The following EPHA6 variants were observed in gnomAD, a reference collection of about 807,000 sequenced individuals.
The protein encoded by EPHA6 is ephrin type-A receptor 6.
A neutral mutation model predicts 112.0 loss-of-function variants in EPHA6; 50 were observed. That is an observed-to-expected ratio of 0.45 (90% CI 0.36 to 0.56). EPHA6 has a LOEUF of 0.56. Ranked by LOEUF, EPHA6 falls within the 20% of genes least tolerant of loss-of-function variation. The pLI, the probability that EPHA6 is intolerant of heterozygous loss-of-function variation, is 0.00. For missense variants in EPHA6, 1,280 were observed against 1,417.4 expected, an observed-to-expected ratio of 0.90 and a Z score of 1.56; for synonymous variants, 529 against 490.7, an observed-to-expected ratio of 1.08 and a Z score of -1.03.
intron 6 of EPHA6, among the ~76,000 whole-genome samples, chr3:97,424,724 T>C (rs1320306904): frequency 6.7e-6 from 1 of 149,974 alleles, no homozygotes; most frequent in Non-Finnish European, 1.5e-5. Context: ...GAGAATCACT[T>C]GAACCCAGGA....
At chr3:96,989,082 G>T (rs937726944) in intron 3 of EPHA6, among the ~76,000 whole-genome samples, 4 of 152,068 alleles carry the variant, frequency 2.6e-5, no homozygotes, top group African/African-American at 9.7e-5. Context: ...TCTTAAGAGG[G>T]TGTTTTCTAC....
chr3:96,918,978 T>C (rs2039622952), intron 2 of EPHA6, among the ~76,000 whole-genome samples: 1 of 151,994 alleles, frequency 6.6e-6, no homozygotes, highest in Non-Finnish European at 1.5e-5. Flanking sequence ...AAGTTCATTA[T>C]TTTGAAATCT....
chr3:97,545,945 G>A (rs189690317), intron 11 of EPHA6, among the ~76,000 whole-genome samples: 2,303 of 151,878 alleles, frequency 0.015, 52 homozygotes, highest in African/African-American at 0.05. Context: ...CCTTTATTTT[G>A]AGCCTATGTG....
chr3:97,065,366 A>G (rs1024425542), intron 3 of EPHA6, among the ~76,000 whole-genome samples: 2 of 152,162 alleles, frequency 1.3e-5, no homozygotes, highest in African/African-American at 4.8e-5. Flanking sequence ...AAATCAAGGC[A>G]AAGAGTCTTT....
At chr3:97,364,407 T>C (rs934272565) in intron 5 of EPHA6, among the ~76,000 whole-genome samples, 8 of 151,658 alleles carry the variant, frequency 5.3e-5, no homozygotes. Flanking sequence ...TATAAGTATT[T>C]CAGGAGACAT....
chr3:97,686,314 T>G (rs1002293186), intron 14 of EPHA6, among the ~76,000 whole-genome samples: 10 of 152,182 alleles, frequency 6.6e-5, no homozygotes, highest in African/African-American at 2.4e-4. Context: ...CTTTCCTTCC[T>G]TCCTTCTCTC....
intron 3 of EPHA6, among the ~76,000 whole-genome samples, chr3:97,205,468 A>C (rs2077691044): frequency 6.6e-6 from 1 of 152,086 alleles, no homozygotes; most frequent in African/African-American, 2.4e-5. Flanking sequence ...ATCCTTGAAC[A>C]ATATGTGTTT....
At chr3:97,233,031 G>A (rs2078574519) in intron 4 of EPHA6, among the ~76,000 whole-genome samples, 1 of 152,118 alleles carries the variant, frequency 6.6e-6, no homozygotes, top group African/African-American at 2.4e-5. Flanking sequence ...CAATTCCTGA[G>A]ATCTTATTGG....
intron 10 of EPHA6, among the ~76,000 whole-genome samples, chr3:97,511,841 A>G (rs2092369765): frequency 6.6e-6 from 1 of 152,200 alleles, no homozygotes; most frequent in Admixed American, 6.6e-5. Context: ...TGCCCAGCAC[A>G]TATTTCATTA....
At chr3:97,490,277 G>A (rs1042399179) in intron 10 of EPHA6, among the ~76,000 whole-genome samples, 5 of 151,938 alleles carry the variant, frequency 3.3e-5, no homozygotes, top group African/African-American at 1.2e-4. Context: ...AATTCATAGA[G>A]GACATTTGGG....
intron 2 of EPHA6, among the ~76,000 whole-genome samples, chr3:96,875,493 G>A (rs887915271): frequency 6.6e-6 from 1 of 152,106 alleles, no homozygotes; most frequent in Non-Finnish European, 1.5e-5. Flanking sequence ...GAAAGAGCAT[G>A]TTTTGTAGAA....
chr3:97,630,498 A>G (rs1157195636), intron 13 of EPHA6, among the ~76,000 whole-genome samples: 6 of 152,076 alleles, frequency 3.9e-5, no homozygotes, highest in Admixed American at 3.9e-4. Flanking sequence ...TTTGATTTAG[A>G]AACATATAAA....
chr3:97,530,867 G>C (rs1577680078), intron 10 of EPHA6, among the ~76,000 whole-genome samples: 1 of 151,916 alleles, frequency 6.6e-6, no homozygotes, highest in Admixed American at 6.6e-5. Flanking sequence ...TACACCAAAA[G>C]GTAGTTAATA....
chr3:97,039,765 T>C (rs1255870313), intron 3 of EPHA6, among the ~76,000 whole-genome samples: 1 of 152,012 alleles, frequency 6.6e-6, no homozygotes, highest in Non-Finnish European at 1.5e-5. Context: ...GTTTACAGCT[T>C]TTAATCCTGA....
intron 5 of EPHA6, among the ~76,000 whole-genome samples, chr3:97,305,171 C>T (rs150437474): frequency 0.027 from 4,048 of 152,082 alleles, 175 homozygotes; most frequent in African/African-American, 0.092. Context: ...CAGATCCAAA[C>T]CACAATGAGA....
chr3:97,555,494 G>A (rs922576281), intron 11 of EPHA6, among the ~76,000 whole-genome samples: 3 of 152,124 alleles, frequency 2.0e-5, no homozygotes, highest in East Asian at 1.9e-4. Flanking sequence ...AGATCCCTGA[G>A]GAATCGCCAC....
rs950179558 is a variant in EPHA6, at chr3:96,884,202, G to A, written c.450+17313G>A. Among the ~76,000 whole-genome samples, 49 of 152,134 alleles carry A rather than the reference G, an allele frequency of 3.2e-4. 1 individual carries two copies. Among genetic ancestry groups the A allele is most frequent in the East Asian group, 1.2e-3 (6 of 5,166 alleles). The stretch of plus-strand genomic sequence containing the variant: ...GCTTAGTCTTGCTTTGGCTATGTGC[G>A]CTCTTTTTTGGTTCCATATGAATTT... On this transcript the variant is annotated intron_variant, in intron 2 of 17. Transcript: ENST00000389672.
At chr3:97,664,457 G>A (rs1218983507) in intron 14 of EPHA6, among the ~76,000 whole-genome samples, 1 of 152,142 alleles carries the variant, frequency 6.6e-6, no homozygotes, top group East Asian at 1.9e-4. Context: ...CATAGTGTTG[G>A]AAGTTCTGGC....
intron 3 of EPHA6, among the ~76,000 whole-genome samples, chr3:97,170,124 G>GAAA (rs11463071): frequency 7.0e-5 from 10 of 142,136 alleles, no homozygotes; most frequent in African/African-American, 2.5e-4. Flanking sequence ...AGAACTTAAA[G>GAAA]AAAAAAAAAA....
Sources: gnomAD v4.1 joint callset for allele counts (sites outside exome capture counted in the v4.1 genomes callset) on GRCh38, gnomAD v4.1.1 for gene constraint, MANE v1.5 for transcripts, NCBI Gene and HGNC (gene_info 2026-07-23, HGNC 2026-07-21) for gene names.